PCDHGC3: variants seen among roughly 807,000 people sequenced by gnomAD.
PCDHGC3 encodes the protein protocadherin gamma subfamily C, 3.
Under a neutral mutation model 59.2 loss-of-function variants are expected in PCDHGC3, and 26 were observed. The observed-to-expected ratio is 0.44, with a 90% CI of 0.32 to 0.61. The LOEUF (loss-of-function observed/expected upper bound fraction) is 0.61. PCDHGC3 is among the 20% of genes least tolerant of loss of function. The pLI is 0.05. For missense variants in PCDHGC3, 1,080 were observed against 1,221.8 expected (o/e 0.88, Z 1.73); for synonymous variants, 487 against 519.7 (o/e 0.94, Z 0.86).
intron 2 of PCDHGC3, among the ~76,000 whole-genome samples, chr5:141,504,078 CCAAA>C (rs1272625151): frequency 6.6e-6 from 1 of 152,078 alleles, no homozygotes; most frequent in South Asian, 2.1e-4. Context: ...CCAGATGGTG[CCAAA>C]CAGTTACCTA....
intron 1 of PCDHGC3, among the ~76,000 whole-genome samples, chr5:141,482,498 T>G (rs1226516612): frequency 1.5e-5 from 2 of 135,390 alleles, no homozygotes; most frequent in African/African-American, 3.0e-5. Context: ...GTTATCATTC[T>G]GGTACCCAGA....
At position 141,491,084 on chromosome 5, in the gene PCDHGC3, C is replaced by T; in HGVS notation, c.2431-3723C>T. On this transcript the variant is annotated intron_variant, in intron 1 of 3. Transcript: ENST00000308177. This position sits in a 1 kb window ranked among gnomAD's most constrained non-coding sequence, Gnocchi z 6.9. ...TACTCACTGTTGCCACAGTCCACAGCCCCAGGACTGTTCCTCGTGTCTACA... is the reference window on the plus strand; with the variant it reads ...TACTCACTGTTGCCACAGTCCACAGTCCCAGGACTGTTCCTCGTGTCTACA... The T allele has an allele frequency of 6.2e-7, 1 of 1,614,106 alleles. No homozygotes were observed. The highest frequency in any genetic ancestry group is 1.1e-5 in the South Asian group (1 of 91,082).
At chr5:141,479,671 G>A (rs1484965995) in intron 1 of PCDHGC3, 1 of 152,196 alleles carries the variant, frequency 6.6e-6, no homozygotes, top group Non-Finnish European at 1.5e-5. Flanking sequence ...AACTACAAAA[G>A]GAGAGTCTTT....
intron 1 of PCDHGC3, among the ~76,000 whole-genome samples, chr5:141,483,340 C>T (rs906468552): frequency 5.9e-5 from 9 of 152,036 alleles, no homozygotes; most frequent in Non-Finnish European, 1.2e-4. Flanking sequence ...GATCTTATCT[C>T]TTTGCAATAG....
chr5:141,487,196 G>A lies in PCDHGC3; in HGVS notation c.2431-7611G>A. On this transcript the variant is annotated intron_variant, in intron 1 of 3. Coordinates refer to ENST00000308177, the MANE Select transcript of PCDHGC3 (RefSeq NM_002588.4). This position sits in a 1 kb window ranked among gnomAD's most constrained non-coding sequence, Gnocchi z 5.0. Reference sequence around the variant, plus strand: ...GGAAGACACTCATCCAGTTGTCCCAGATCTTCGAGAATCTTCAGCTCCAAG... The same window carrying A: ...GGAAGACACTCATCCAGTTGTCCCAAATCTTCGAGAATCTTCAGCTCCAAG... The A allele has an allele frequency of 1.2e-6, 2 of 1,613,878 alleles. No homozygotes were observed. The highest frequency in any genetic ancestry group is 8.5e-7 in the Non-Finnish European group (1 of 1,179,796).
rs1252377833 is a variant in PCDHGC3, at chr5:141,485,012, G to T, written c.2430+6466G>T. On this transcript the variant is annotated intron_variant, in intron 1 of 3. Coordinates refer to ENST00000308177, the MANE Select transcript of PCDHGC3 (RefSeq NM_002588.4). The surrounding 1 kb of genome is among the most constrained non-coding windows in gnomAD (Gnocchi z 5.7). Reference sequence around the variant, plus strand: ...GGTGAAAGGCAGACAAATCTACCCCGCCACCAGCAAAAACGGCGCGTAACC... The same window carrying T: ...GGTGAAAGGCAGACAAATCTACCCCTCCACCAGCAAAAACGGCGCGTAACC... The T allele has an allele frequency of 1.3e-5, 8 of 630,528 alleles. No individual in the cohort carries two copies. In the Admixed American group the frequency reaches 1.5e-4, roughly 12 times the overall value. 39.1% of individuals were successfully genotyped at this position (630,528 alleles called of 1,614,324 possible).
chr5:141,502,179 A>C (rs1403845758), intron 2 of PCDHGC3, among the ~76,000 whole-genome samples: 3 of 152,218 alleles, frequency 2.0e-5, no homozygotes, highest in African/African-American at 7.2e-5. Context: ...GGAATTTAAC[A>C]TTAATACAAT....
At chr5:141,478,920 C>A (rs559060283) in intron 1 of PCDHGC3, 1 of 728,392 alleles carries the variant, frequency 1.4e-6, no homozygotes. Context: ...ATACCTCTAA[C>A]CAGTGGCAGC....
rs1362252002 is a variant in PCDHGC3, at chr5:141,486,112, G to C, written c.2430+7566G>C. ...TGGGGCCCCTAGACTTTGAGAGTGA[G>C]AATTACTATGAATTTGATGTGCGGG... On this transcript the variant is annotated intron_variant, in intron 1 of 3. Coordinates refer to ENST00000308177, the MANE Select transcript of PCDHGC3 (RefSeq NM_002588.4). The surrounding 1 kb of genome is among the most constrained non-coding windows in gnomAD (Gnocchi z 5.0). 6 of 1,614,166 alleles carry C rather than the reference G, an allele frequency of 3.7e-6. No individual in the cohort carries two copies. The highest frequency in any genetic ancestry group is 1.7e-6 in the Non-Finnish European group (2 of 1,180,024).
intron 2 of PCDHGC3, 35 bp from the exon 3 acceptor site, chr5:141,505,358 G>A (rs1156448862): frequency 6.2e-7 from 1 of 1,613,796 alleles, no homozygotes; most frequent in Non-Finnish European, 8.5e-7. Context: ...GTGCCGGCCT[G>A]GGAGTCTGTG....
At chr5:141,503,241 A>G (rs1399557839) in intron 2 of PCDHGC3, among the ~76,000 whole-genome samples, 1 of 152,074 alleles carries the variant, frequency 6.6e-6, no homozygotes, top group Non-Finnish European at 1.5e-5. Context: ...GACAGTTTCT[A>G]TCATACTCAC....
chr5:141,505,960 G>A (rs2099849410), intron 3 of PCDHGC3, among the ~76,000 whole-genome samples: 1 of 152,202 alleles, frequency 6.6e-6, no homozygotes, highest in Non-Finnish European at 1.5e-5. Context: ...AGTGGGTGTA[G>A]AAATCCCCAG....
chr5:141,491,109 A>G lies in PCDHGC3; in HGVS notation c.2431-3698A>G, dbSNP rs1039906987. 4.3e-6 allele frequency: 7 copies of G among 1,614,074 alleles called. No individual in the cohort carries two copies. The African/African-American group carries it at 9.3e-5, about 22-fold the overall frequency. ...CCCCAGGACTGTTCCTCGTGTCTAC[A>G]CACACTGGTGAGGTGCGCACAGCCC... On this transcript the variant is annotated intron_variant, in intron 1 of 3. Coordinates refer to ENST00000308177, the MANE Select transcript of PCDHGC3 (RefSeq NM_002588.4). The surrounding 1 kb of genome is among the most constrained non-coding windows in gnomAD (Gnocchi z 6.9).
At position 141,490,475 on chromosome 5, in the gene PCDHGC3, T is replaced by C. The variant is rs769951029; in HGVS notation, c.2431-4332T>C. On this transcript the variant is annotated intron_variant, in intron 1 of 3. Coordinates refer to ENST00000308177, the MANE Select transcript of PCDHGC3 (RefSeq NM_002588.4). This position sits in a 1 kb window ranked among gnomAD's most constrained non-coding sequence, Gnocchi z 5.4. ...TACTCGCTGCTAACCAGCCAGCCTTTGGACCGGGAGGCCACATCCCACTAT... is the reference window on the plus strand; with the variant it reads ...TACTCGCTGCTAACCAGCCAGCCTTCGGACCGGGAGGCCACATCCCACTAT... The C allele has an allele frequency of 3.7e-6, 6 of 1,614,240 alleles. No individual in the cohort carries two copies. The highest frequency in any genetic ancestry group is 5.1e-6 in the Non-Finnish European group (6 of 1,180,038).
intron 1 of PCDHGC3, among the ~76,000 whole-genome samples, chr5:141,482,238 A>G (rs560354311): frequency 8.5e-5 from 13 of 152,304 alleles, no homozygotes; most frequent in African/African-American, 2.9e-4. Context: ...TTGCCAATAT[A>G]AGTATAGTAC....
chr5:141,510,529 A>G (rs2099881539), intron 3 of PCDHGC3, among the ~76,000 whole-genome samples: 2 of 152,242 alleles, frequency 1.3e-5, no homozygotes, highest in Admixed American at 6.5e-5. Flanking sequence ...CCCTGAGAGA[A>G]ATACCAGCGA....
intron 1 of PCDHGC3, among the ~76,000 whole-genome samples, chr5:141,484,774 C>T (rs1269490742): frequency 6.6e-6 from 1 of 151,782 alleles, no homozygotes; most frequent in Non-Finnish European, 1.5e-5. Context: ...ATGTTGTCTG[C>T]CTCCCCACAG....
In PCDHGC3 at chr5:141,491,359, G is replaced by C. The variant is rs764159829; in HGVS notation, c.2431-3448G>C. 3 of 1,614,154 alleles carry C rather than the reference G, an allele frequency of 1.9e-6. No homozygotes were observed. In the East Asian group the frequency reaches 6.7e-5, roughly 36 times the overall value. On this transcript the variant is annotated intron_variant, in intron 1 of 3. Coordinates refer to ENST00000308177, the MANE Select transcript of PCDHGC3 (RefSeq NM_002588.4). This position sits in a 1 kb window ranked among gnomAD's most constrained non-coding sequence, Gnocchi z 6.9. ...AGCGACCGTCAGTCTCTTATCCCTA[G>C]TCACCTTCACCTTTCTGTCAGCGAA...
rs1230384508 is a variant in PCDHGC3 at position 141,490,990 on chromosome 5, C to T, written c.2431-3817C>T. On this transcript the variant is annotated intron_variant, in intron 1 of 3. Coordinates refer to ENST00000308177, the MANE Select transcript of PCDHGC3 (RefSeq NM_002588.4). The surrounding 1 kb of genome is among the most constrained non-coding windows in gnomAD (Gnocchi z 5.4). ...CCCCCAGCGTCTCCCTCGCTCTGCT[C>T]CTCCTGGCTCCTTGGTCACCAAGGT... 6 of 1,614,102 alleles carry T rather than the reference C, an allele frequency of 3.7e-6. No homozygotes were observed. The highest frequency in any genetic ancestry group is 1.3e-5 in the African/African-American group (1 of 75,064).
Sources: gnomAD v4.1 joint callset for allele counts (sites outside exome capture counted in the v4.1 genomes callset) on GRCh38, gnomAD v4.1.1 for gene constraint, Gnocchi (gnomAD v3.1) non-coding constraint, MANE v1.5 for transcripts, NCBI Gene and HGNC (gene_info 2026-07-23, HGNC 2026-07-21) for gene names.